The following FSIP2 variants were observed in gnomAD, a reference collection of about 807,000 sequenced individuals.
FSIP2 encodes the protein fibrous sheath-interacting protein 2.
FSIP2 carries 367 observed loss-of-function variants against 510.5 expected under a neutral mutation model. The observed-to-expected ratio is 0.72, with a 90% CI of 0.66 to 0.78. The LOEUF (loss-of-function observed/expected upper bound fraction) is 0.78, where lower values mean the gene tolerates loss of function less well. Ranked by LOEUF, FSIP2 falls within the 30% of genes least tolerant of loss-of-function variation. The pLI is 0.00. For missense variants in FSIP2, 7,594 were observed against 7,901.7 expected (o/e 0.96, Z 1.48); for synonymous variants, 2,601 against 2,732.2 (o/e 0.95, Z 1.50).
Position 185,772,772 on chromosome 2 carries a change from C to T in FSIP2, c.1411+8207C>T, listed in dbSNP as rs1692630373. Among the ~76,000 whole-genome samples, 3 of 152,034 alleles carry T rather than the reference C, an allele frequency of 2.0e-5. No individual in the cohort carries two copies. The South Asian group carries it at 6.2e-4, about 31-fold the overall frequency. On this transcript the variant is annotated intron_variant, in intron 13 of 22. Transcript: ENST00000424728. ...TGTGTTTTCATAATGGTGAATATCA[C>T]CTGAGTTTAGAATTTTTTTTAGCTT...
In FSIP2 at chr2:185,795,715, T is replaced by A. The variant is rs1223582875; in HGVS notation, c.8579T>A (p.Met2860Lys). 1.3e-6 allele frequency: 2 copies of A among 1,531,010 alleles called. No homozygotes were observed. Among genetic ancestry groups the A allele is most frequent in the Non-Finnish European group, 1.7e-6 (2 of 1,143,532 alleles). 94.8% of individuals were successfully genotyped at this position (1,531,010 alleles called of 1,614,324 possible). A position where few individuals can be genotyped will look rare whatever the true frequency, so the allele number is the denominator to read the frequency against. The change falls in exon 16 of 23, where the codon ATG (methionine) becomes AAG (lysine). Residue 2860 changes from methionine to lysine, a missense_variant. By Grantham distance (95) the Met-to-Lys change is moderately conservative. Coordinates refer to ENST00000424728, the MANE Select transcript of FSIP2 (RefSeq NM_173651.4). ...GAAAATGAAAAATGTAAGCTATTGA[T>A]GATAGCTGAAAATGTTTTGACTGAA... Reference protein sequence around the residue: ...DKENEKCKLLMIAENVLTEIS... With the variant: ...DKENEKCKLLKIAENVLTEIS...
rs1386772025 is a variant in FSIP2 at position 185,792,486 on chromosome 2, AT to A, written c.5354del (p.Leu1785Ter). 16 of 1,530,478 alleles carry A rather than the reference AT, an allele frequency of 1.0e-5. No individual in the cohort carries two copies. The highest frequency in any genetic ancestry group is 1.4e-5 in the Non-Finnish European group (16 of 1,142,788). The allele number at this position is 1,530,478 out of a possible 1,614,324, so 94.8% of individuals were successfully genotyped here. On this transcript the variant is annotated frameshift_variant, in exon 16 of 23. Transcript: ENST00000424728. LOFTEE classifies it high-confidence loss of function. ...TCCAATTGCTCCCATTATAAGAAAT[AT>A]TTTGAATGAAATTTTTCAAAGTACT... ...ISPIAPIIRN[I>X]LNEIFQSTLI...
chr2:185,793,464 A>G lies in FSIP2; in HGVS notation c.6328A>G (p.Asn2110Asp). ...TTATGAAAAAACCCTGTTTCAGAATAATCTCTCATTTGCCACACCCACTCT... is the reference window on the plus strand; with the variant it reads ...TTATGAAAAAACCCTGTTTCAGAATGATCTCTCATTTGCCACACCCACTCT... Reference protein sequence around the residue: ...DIYEKTLFQNNLSFATPTLKC... With the variant: ...DIYEKTLFQNDLSFATPTLKC... The change falls in exon 16 of 23, where the codon AAT becomes GAT. Residue 2110 changes from asparagine (N) to aspartate (D), a missense_variant. By Grantham distance (23) the Asn-to-Asp change is conservative (BLOSUM62 1). Coordinates refer to ENST00000424728, the MANE Select transcript of FSIP2 (RefSeq NM_173651.4). 1.3e-6 allele frequency: 2 copies of G among 1,534,470 alleles called. No homozygotes were observed. The highest frequency in any genetic ancestry group is 1.7e-6 in the Non-Finnish European group (2 of 1,145,696).
intron 15 of FSIP2, chr2:185,788,245 G>GTATC (rs1168115344): frequency 1.3e-5 from 2 of 152,520 alleles, no homozygotes; most frequent in Admixed American, 1.3e-4. Context: ...AATATTTAAT[G>GTATC]TATCTTTAAA....
At chr2:185,823,150 A>T (rs928461254) in intron 19 of FSIP2, among the ~76,000 whole-genome samples, 5 of 151,784 alleles carry the variant, frequency 3.3e-5, no homozygotes, top group African/African-American at 9.7e-5. Flanking sequence ...GGATTTAAAA[A>T]TTTTTTTTGT....
At chr2:185,743,969 G>A (rs1691975954) in intron 3 of FSIP2, among the ~76,000 whole-genome samples, 1 of 151,892 alleles carries the variant, frequency 6.6e-6, no homozygotes, top group South Asian at 2.1e-4. Flanking sequence ...TGAGTAGCTG[G>A]GACTACAGGC....
At position 185,802,523 on chromosome 2, in the gene FSIP2, C is replaced by A. The variant is rs916714825; in HGVS notation, c.13217C>A (p.Thr4406Asn). ...AGTGGCATTTTTGTGGAAAATATTA[C>A]CAATTTAATTGTAGCAGCTATTTCA... ...EDSGIFVENITNLIVAAISDY... is the reference protein window; with the variant it reads ...EDSGIFVENINNLIVAAISDY... Residue 4406 changes from threonine (T) to asparagine (N), a missense_variant, in exon 17 of 23, where the codon ACC becomes AAC. By Grantham distance (65) the Thr-to-Asn change is moderately conservative. Coordinates refer to ENST00000424728, the MANE Select transcript of FSIP2 (RefSeq NM_173651.4). The A allele has an allele frequency of 6.5e-7, 1 of 1,531,556 alleles. No homozygotes were observed. The highest frequency in any genetic ancestry group is 8.7e-7 in the Non-Finnish European group (1 of 1,144,582). The allele number at this position is 1,531,556 out of a possible 1,614,324, so 94.9% of individuals were successfully genotyped here.
chr2:185,773,921 T>C (rs1220623879), intron 13 of FSIP2, among the ~76,000 whole-genome samples: 1 of 152,244 alleles, frequency 6.6e-6, no homozygotes, highest in Non-Finnish European at 1.5e-5. Context: ...TGTATGATCA[T>C]GATTTTTTAA....
intron 20 of FSIP2, among the ~76,000 whole-genome samples, chr2:185,824,827 A>T (rs2105684308): frequency 6.6e-6 from 1 of 151,938 alleles, no homozygotes; most frequent in Middle Eastern, 3.4e-3. Context: ...ATTTCTTTGA[A>T]GGATTATGCC....
Position 185,789,427 on chromosome 2 carries a change from A to G in FSIP2, c.2291A>G (p.Glu764Gly). ...VASEIVENML[E>G]KLESAVEKKC... Reference sequence around the variant, plus strand: ...TCTGAGATTGTGGAAAATATGCTTGAGAAGTTAGAGTCTGCAGTTGAGAAA... The same window carrying G: ...TCTGAGATTGTGGAAAATATGCTTGGGAAGTTAGAGTCTGCAGTTGAGAAA... Residue 764 changes from glutamate (E) to glycine (G), a missense_variant, in exon 16 of 23, where the codon GAG becomes GGG. Coordinates refer to ENST00000424728, the MANE Select transcript of FSIP2 (RefSeq NM_173651.4). The G allele has an allele frequency of 6.5e-7, 1 of 1,534,890 alleles. No homozygotes were observed. Among genetic ancestry groups the G allele is most frequent in the Non-Finnish European group, 8.7e-7 (1 of 1,145,932 alleles).
Position 185,802,951 on chromosome 2 carries a change from G to C in FSIP2, c.13645G>C (p.Ala4549Pro). The C allele has an allele frequency of 6.6e-7, 1 of 1,524,260 alleles. No individual in the cohort carries two copies. The highest frequency in any genetic ancestry group is 8.8e-7 in the Non-Finnish European group (1 of 1,142,132). The allele number at this position is 1,524,260 out of a possible 1,614,324, so 94.4% of individuals were successfully genotyped here. Reference protein sequence around the residue: ...DIQHLVDSVFANVVQTSGSQE... With the variant: ...DIQHLVDSVFPNVVQTSGSQE... The stretch of plus-strand genomic sequence containing the variant: ...TCAGCACCTTGTTGATTCAGTATTT[G>C]CAAATGTTGTGCAAACCTCTGGTTC... Residue 4549 changes from alanine (A) to proline (P), a missense_variant, in exon 17 of 23, where the codon GCA becomes CCA. By Grantham distance (27) the Ala-to-Pro change is conservative (BLOSUM62 -1). Transcript: ENST00000424728.
intron 14 of FSIP2, among the ~76,000 whole-genome samples, chr2:185,785,966 G>C (rs1055315382): frequency 6.6e-6 from 1 of 151,840 alleles, no homozygotes; most frequent in African/African-American, 2.4e-5. Flanking sequence ...CACAATGTAG[G>C]CATGGCTAAG....
chr2:185,800,720 G>GT lies in FSIP2; in HGVS notation c.11415dup (p.Lys3806Ter), dbSNP rs1380075457. 3 of 1,533,404 alleles carry GT rather than the reference G, an allele frequency of 2.0e-6. No individual in the cohort carries two copies. Among genetic ancestry groups the GT allele is most frequent in the Non-Finnish European group, 2.6e-6 (3 of 1,145,298 alleles). 95.0% of individuals were successfully genotyped at this position (1,533,404 alleles called of 1,614,324 possible). Reference sequence around the variant, plus strand: ...GTAGAAGATGGAAAATCTGATTATCGTAAGGGAGGAATGGACTGTGAATGC... The same window carrying GT: ...GTAGAAGATGGAAAATCTGATTATCGTTAAGGGAGGAATGGACTGTGAATGC... On this transcript the variant is annotated frameshift_variant, in exon 17 of 23. Coordinates refer to ENST00000424728, the MANE Select transcript of FSIP2 (RefSeq NM_173651.4). LOFTEE classifies it high-confidence loss of function.
intron 14 of FSIP2, among the ~76,000 whole-genome samples, chr2:185,784,449 A>G (rs922857326): frequency 6.6e-6 from 1 of 151,298 alleles, no homozygotes; most frequent in Admixed American, 6.6e-5. Context: ...ATATATAGGA[A>G]AAATTGAAAG....
chr2:185,815,572 C>A, intron 19 of FSIP2, 101 bp downstream of exon 19: 1 of 524,476 alleles, frequency 1.9e-6, no homozygotes, highest in South Asian at 3.1e-5. Context: ...AAGTATTTAG[C>A]TTCAGACCTT....
At chr2:185,752,773 T>G (rs1191314986) in intron 7 of FSIP2, among the ~76,000 whole-genome samples, 1 of 151,414 alleles carries the variant, frequency 6.6e-6, no homozygotes, top group Non-Finnish European at 1.5e-5. Context: ...TTTGTGTCAT[T>G]TTTGAGTCCA....
intron 8 of FSIP2, among the ~76,000 whole-genome samples, chr2:185,755,347 A>G (rs1002219769): frequency 6.6e-6 from 1 of 151,638 alleles, no homozygotes; most frequent in Non-Finnish European, 1.5e-5. Context: ...CAATGACAGC[A>G]ATATCATGCC....
intron 13 of FSIP2, among the ~76,000 whole-genome samples, chr2:185,770,939 A>AT (rs1692595559): frequency 6.6e-6 from 1 of 152,236 alleles, no homozygotes; most frequent in Non-Finnish European, 1.5e-5. Context: ...AACAGTCAAA[A>AT]TAAAGGGGCA....
At chr2:185,769,166 GGGTCAAAT>G (rs1271787590) in intron 13 of FSIP2, among the ~76,000 whole-genome samples, 2 of 152,262 alleles carry the variant, frequency 1.3e-5, no homozygotes, top group Non-Finnish European at 1.5e-5. Context: ...TGGGATCTCA[GGGTCAAAT>G]GGTAGTTCTG....
Sources: gnomAD v4.1 joint callset for allele counts (sites outside exome capture counted in the v4.1 genomes callset) on GRCh38, gnomAD v4.1.1 for gene constraint, MANE v1.5 for transcripts, NCBI Gene and HGNC (gene_info 2026-07-23, HGNC 2026-07-21) for gene names.